The following FHIT variants were observed in gnomAD, a reference collection of about 807,000 sequenced individuals.
The protein encoded by FHIT is bis(5'-adenosyl)-triphosphatase.
Under a neutral mutation model 17.9 loss-of-function variants are expected in FHIT, and 19 were observed. The ratio of observed to expected loss-of-function variants is 1.06; its 90% CI spans 0.74 to 1.56. The LOEUF (loss-of-function observed/expected upper bound fraction) is 1.56. FHIT is among the 40% of genes most tolerant of loss of function. The pLI is 0.00. For synonymous variants in FHIT, 81 were observed against 69.7 expected (o/e 1.16, Z -0.81); for missense variants, 248 against 189.2 (o/e 1.31, Z -1.82).
chr3:60,126,646 G>C (rs1263201502), intron 5 of FHIT, among the ~76,000 whole-genome samples: 2 of 152,120 alleles, frequency 1.3e-5, no homozygotes, highest in Non-Finnish European at 2.9e-5. Context: ...ATTCACAACA[G>C]AACTCAGATT....
intron 3 of FHIT, among the ~76,000 whole-genome samples, chr3:60,911,932 A>G (rs1439869966): frequency 6.6e-6 from 1 of 152,168 alleles, no homozygotes; most frequent in Non-Finnish European, 1.5e-5. Flanking sequence ...CTTTTCTCAT[A>G]TCAGCACTTT....
At chr3:59,819,755 G>C (rs558742441) in intron 8 of FHIT, among the ~76,000 whole-genome samples, 1 of 152,110 alleles carries the variant, frequency 6.6e-6, no homozygotes, top group African/African-American at 2.4e-5. Context: ...TGGATGCTAC[G>C]GTCTGAATGT....
chr3:61,212,785 C>A (rs1240403419), intron 1 of FHIT, among the ~76,000 whole-genome samples: 1 of 152,238 alleles, frequency 6.6e-6, no homozygotes. Flanking sequence ...GGAAGCCTAT[C>A]AGACTAACAG....
intron 5 of FHIT, among the ~76,000 whole-genome samples, chr3:60,460,795 G>A (rs538216757): frequency 6.6e-6 from 1 of 152,126 alleles, no homozygotes; most frequent in African/African-American, 2.4e-5. Context: ...ATAGATGCAG[G>A]CTGGAAGACA....
chr3:59,882,121 C>G (rs1344032361), intron 8 of FHIT, among the ~76,000 whole-genome samples: 1 of 151,648 alleles, frequency 6.6e-6, no homozygotes, highest in Non-Finnish European at 1.5e-5. Flanking sequence ...TACTTTCAGG[C>G]ACAGACATGC....
chr3:60,334,932 C>A (rs1324701219), intron 5 of FHIT, among the ~76,000 whole-genome samples: 1 of 152,136 alleles, frequency 6.6e-6, no homozygotes, highest in East Asian at 1.9e-4. Context: ...GAAACAGAAT[C>A]TTTTTAAATT....
intron 2 of FHIT, among the ~76,000 whole-genome samples, chr3:61,148,440 C>A (rs2037289793): frequency 6.6e-6 from 1 of 152,136 alleles, no homozygotes; most frequent in Non-Finnish European, 1.5e-5. Context: ...GAATTTTACA[C>A]AAATGGAAGC....
intron 5 of FHIT, among the ~76,000 whole-genome samples, chr3:60,483,140 A>G (rs1257681637): frequency 6.6e-6 from 1 of 152,192 alleles, no homozygotes; most frequent in Non-Finnish European, 1.5e-5. Context: ...AAGGAGTTGA[A>G]TCCTTGAACA....
At chr3:60,413,594 G>A (rs1702142575) in intron 5 of FHIT, among the ~76,000 whole-genome samples, 1 of 152,118 alleles carries the variant, frequency 6.6e-6, no homozygotes, top group East Asian at 1.9e-4. Context: ...GTCTATAGTG[G>A]TAAAGGCATT....
intron 5 of FHIT, among the ~76,000 whole-genome samples, chr3:60,384,479 C>T (rs533413108): frequency 3.3e-5 from 5 of 152,148 alleles, no homozygotes; most frequent in Non-Finnish European, 5.9e-5. Context: ...AGGAGAGAGT[C>T]GTATGTTTTT....
intron 5 of FHIT, among the ~76,000 whole-genome samples, chr3:60,079,748 C>T (rs1703194665): frequency 6.6e-6 from 1 of 152,078 alleles, no homozygotes; most frequent in South Asian, 2.1e-4. Context: ...TCCTCCAACT[C>T]ACACTAACCT....
Position 60,884,174 on chromosome 3 carries a change from C to T in FHIT, c.-110-62163G>A, listed in dbSNP as rs537238709. ...ACAACCACAGTGAGATACCATCTCA[C>T]CACAGTTATAATGGCTACTATGAAA... On this transcript the variant is annotated intron_variant, in intron 3 of 9. Transcript: ENST00000492590. Among the ~76,000 whole-genome samples the T allele has an allele frequency of 4.6e-5, 7 of 152,168 alleles. No individual in the cohort carries two copies. In the East Asian group the frequency reaches 1.4e-3, roughly 29 times the overall value.
chr3:60,733,947 T>C (rs139937631), intron 4 of FHIT, among the ~76,000 whole-genome samples: 222 of 152,274 alleles, frequency 1.5e-3, no homozygotes, highest in African/African-American at 4.9e-3. Context: ...CAAGTCTCCA[T>C]AGTTAAGGTA....
At chr3:60,156,005 A>G (rs1323161417) in intron 5 of FHIT, among the ~76,000 whole-genome samples, 2 of 152,210 alleles carry the variant, frequency 1.3e-5, no homozygotes, top group Non-Finnish European at 2.9e-5. Flanking sequence ...ATTGTTGCTT[A>G]GTAACCATTG....
chr3:59,945,703 T>C (rs1176172335), intron 7 of FHIT, among the ~76,000 whole-genome samples: 1 of 152,162 alleles, frequency 6.6e-6, no homozygotes, highest in African/African-American at 2.4e-5. Flanking sequence ...ATCTTGAGTT[T>C]ATTTTTGCAT....
In FHIT at chr3:60,356,753, CAAAAAAAAAAAAA is replaced by C. The variant is rs57588436; in HGVS notation, c.103+180094_103+180106del. Among the ~76,000 whole-genome samples, 57 of 58,678 alleles carry C rather than the reference CAAAAAAAAAAAAA, an allele frequency of 9.7e-4. 1 individual carries two copies. The highest frequency in any genetic ancestry group is 5.8e-3 in the Admixed American group (29 of 5,014). 38.5% of individuals were successfully genotyped at this position (58,678 alleles called of 152,430 possible). A position where few individuals can be genotyped will look rare whatever the true frequency, so the allele number is the denominator to read the frequency against. Reference sequence around the variant, plus strand: ...CTATTATATAGCAGGAAGACAGAGACAAAAAAAAAAAAAAAAAAAAAAAAAAACGGAAGAAAGA... The same window carrying C: ...CTATTATATAGCAGGAAGACAGAGACAAAAAAAAAAAAAACGGAAGAAAGA... On this transcript the variant is annotated intron_variant, in intron 5 of 9. Transcript: ENST00000492590.
intron 3 of FHIT, among the ~76,000 whole-genome samples, chr3:60,842,374 T>G (rs1702750831): frequency 6.6e-6 from 1 of 151,784 alleles, no homozygotes; most frequent in African/African-American, 2.4e-5. Context: ...GAGTGTGACT[T>G]CTTTTCTAGC....
intron 1 of FHIT, among the ~76,000 whole-genome samples, chr3:61,218,201 C>G (rs1173846946): frequency 6.6e-6 from 1 of 152,118 alleles, no homozygotes; most frequent in South Asian, 2.1e-4. Flanking sequence ...GGGCCTAGGA[C>G]TGATCCGTGA....
At chr3:60,950,512 G>C (rs1708830811) in intron 3 of FHIT, among the ~76,000 whole-genome samples, 1 of 142,846 alleles carries the variant, frequency 7.0e-6, no homozygotes, top group Non-Finnish European at 1.5e-5. Flanking sequence ...ACGGAGTCTT[G>C]CTTTGTCACC....
Sources: allele counts gnomAD v4.1 joint callset (sites outside exome capture counted in the v4.1 genomes callset), GRCh38; gene constraint gnomAD v4.1.1; transcripts MANE v1.5; gene names NCBI Gene and HGNC (gene_info 2026-07-23, HGNC 2026-07-21).